Variants in NUP210L observed in about 807,000 individuals in gnomAD.
The protein encoded by NUP210L is nuclear pore membrane glycoprotein 210-like.
A neutral mutation model predicts 208.5 loss-of-function variants in NUP210L; 74 were observed. The ratio of observed to expected loss-of-function variants is 0.35; its 90% CI spans 0.29 to 0.43. The LOEUF (loss-of-function observed/expected upper bound fraction) is 0.43. Ranked by LOEUF, NUP210L falls within the 20% of genes least tolerant of loss-of-function variation. The pLI, the probability that NUP210L is intolerant of heterozygous loss-of-function variation, is 1.00. For synonymous variants in NUP210L, 780 were observed against 816.9 expected, an observed-to-expected ratio of 0.95 and a Z score of 0.77; for missense variants, 1,843 against 2,289.4, an observed-to-expected ratio of 0.81 and a Z score of 3.98.
At chr1:154,007,909 T>C (rs1402733306) in intron 35 of NUP210L, among the ~76,000 whole-genome samples, 2 of 149,158 alleles carry the variant, frequency 1.3e-5, no homozygotes, top group Non-Finnish European at 3.0e-5. Flanking sequence ...TCTTGCTCTG[T>C]TGCCTAGGCT....
chr1:154,052,835 G>T (rs1253292779), intron 25 of NUP210L, among the ~76,000 whole-genome samples: 1 of 152,202 alleles, frequency 6.6e-6, no homozygotes, highest in African/African-American at 2.4e-5. Context: ...TTATTGATTG[G>T]TCCCCAAAGG....
chr1:154,039,443 C>T (rs764713910), intron 27 of NUP210L, among the ~76,000 whole-genome samples: 16 of 152,014 alleles, frequency 1.1e-4, no homozygotes, highest in Non-Finnish European at 1.8e-4. Flanking sequence ...ACCATGTTGG[C>T]TAGGCTGGTC....
At chr1:154,042,613 A>G (rs1652946536) in intron 27 of NUP210L, among the ~76,000 whole-genome samples, 1 of 149,492 alleles carries the variant, frequency 6.7e-6, no homozygotes, top group African/African-American at 2.5e-5. Context: ...ATTTTTTAGT[A>G]GAGACGGGGT....
At chr1:154,151,600 G>T (rs1411104258) in intron 2 of NUP210L, among the ~76,000 whole-genome samples, 1 of 152,122 alleles carries the variant, frequency 6.6e-6, no homozygotes, top group East Asian at 1.9e-4. Context: ...AAATAGATTA[G>T]TTCTATCTAA....
intron 37 of NUP210L, among the ~76,000 whole-genome samples, chr1:153,998,553 C>CA (rs566361453): frequency 0.025 from 1,344 of 53,430 alleles, 14 homozygotes; most frequent in Middle Eastern, 0.062. Flanking sequence ...GGTTCTGTCT[C>CA]AAAAAAAAAA....
intron 21 of NUP210L, 21 bp downstream of exon 21, chr1:154,058,544 G>C (rs1439221415): frequency 1.2e-6 from 2 of 1,606,514 alleles, no homozygotes; most frequent in Non-Finnish European, 1.7e-6. Context: ...TAATTTCTGA[G>C]ATAAAACAAA....
At chr1:154,031,544 C>A (rs903793785) in intron 27 of NUP210L, among the ~76,000 whole-genome samples, 2 of 77,814 alleles carry the variant, frequency 2.6e-5, no homozygotes, top group African/African-American at 1.0e-4. Context: ...ACTACGCTTT[C>A]CAGCCTCCAG....
chr1:154,054,195 GA>G, intron 25 of NUP210L, 32 bp downstream of exon 25: 1 of 1,609,250 alleles, frequency 6.2e-7, no homozygotes, highest in Non-Finnish European at 8.5e-7. Flanking sequence ...CTCAATAGAA[GA>G]ATAGAAGCAG....
At chr1:154,112,650 G>A (rs1657099279) in intron 12 of NUP210L, among the ~76,000 whole-genome samples, 2 of 152,012 alleles carry the variant, frequency 1.3e-5, no homozygotes, top group Non-Finnish European at 1.5e-5. Context: ...GAGCCCAGGA[G>A]TTCAAGTCCA....
intron 16 of NUP210L, among the ~76,000 whole-genome samples, chr1:154,071,727 C>T (rs1171942212): frequency 1.3e-5 from 2 of 150,362 alleles, no homozygotes; most frequent in African/African-American, 2.5e-5. Flanking sequence ...CCTCCGCCTC[C>T]TGGGTTCAAG....
intron 37 of NUP210L, among the ~76,000 whole-genome samples, chr1:153,998,077 C>CT (rs954734716): frequency 4.0e-5 from 6 of 151,746 alleles, no homozygotes; most frequent in Non-Finnish European, 5.9e-5. Context: ...TCTGTGGATT[C>CT]TTTTTTTTCT....
At position 154,023,317 on chromosome 1, in the gene NUP210L, C is replaced by T; in HGVS notation, c.4123-20G>A. The T allele has an allele frequency of 6.3e-7, 1 of 1,589,434 alleles. No individual in the cohort carries two copies. The highest frequency in any genetic ancestry group is 8.6e-7 in the Non-Finnish European group (1 of 1,165,796). Reference sequence around the variant, plus strand: ...TGCTACCTGTGGGAGACAAAACCTACTGGTACAGAGAAAGATGCACTGGAG... The same window carrying T: ...TGCTACCTGTGGGAGACAAAACCTATTGGTACAGAGAAAGATGCACTGGAG... On this transcript the variant is annotated intron_variant, in intron 30 of 39. Transcript: ENST00000368559.
intron 12 of NUP210L, among the ~76,000 whole-genome samples, chr1:154,106,711 T>C (rs970487823): frequency 1.3e-5 from 2 of 152,036 alleles, no homozygotes; most frequent in African/African-American, 4.8e-5. Context: ...GGAACAAGAG[T>C]CTGCCTGGTA....
intron 13 of NUP210L, among the ~76,000 whole-genome samples, chr1:154,103,694 A>G (rs1375819700): frequency 6.6e-6 from 1 of 151,154 alleles, no homozygotes; most frequent in Non-Finnish European, 1.5e-5. Context: ...AAAAAGAAAA[A>G]AAAAAACAAA....
chr1:154,047,317 G>A (rs1653241316), intron 25 of NUP210L, among the ~76,000 whole-genome samples: 1 of 152,200 alleles, frequency 6.6e-6, no homozygotes, highest in Admixed American at 6.5e-5. Context: ...TTACCCTGAT[G>A]TAGTTAATAT....
intron 31 of NUP210L, 94 bp from the exon 32 acceptor site, chr1:154,022,437 G>T: frequency 1.0e-6 from 1 of 966,542 alleles, no homozygotes. Context: ...ATATTCAACA[G>T]CTCAGAAGTT....
At chr1:154,087,636 A>G (rs1655693535) in intron 16 of NUP210L, among the ~76,000 whole-genome samples, 1 of 152,220 alleles carries the variant, frequency 6.6e-6, no homozygotes, top group Non-Finnish European at 1.5e-5. Flanking sequence ...AAACTTGTAC[A>G]TGAATGTTCA....
intron 15 of NUP210L, among the ~76,000 whole-genome samples, chr1:154,092,665 G>A (rs2148050648): frequency 6.6e-6 from 1 of 151,796 alleles, no homozygotes; most frequent in South Asian, 2.1e-4. Flanking sequence ...AGAATTACAG[G>A]CATAAGCCAC....
At chr1:154,056,619 C>T (rs1023324424) in intron 23 of NUP210L, among the ~76,000 whole-genome samples, 196 bp downstream of exon 23, 2 of 152,110 alleles carry the variant, frequency 1.3e-5, no homozygotes, top group African/African-American at 2.4e-5. Context: ...CAGAGTCTCA[C>T]TATGTTGCCC....
Sources: gnomAD v4.1 joint callset for allele counts (sites outside exome capture counted in the v4.1 genomes callset) on GRCh38, gnomAD v4.1.1 for gene constraint, MANE v1.5 for transcripts, NCBI Gene and HGNC (gene_info 2026-07-23, HGNC 2026-07-21) for gene names.